Variants in EBF2 observed in about 807,000 individuals in gnomAD.
The protein encoded by EBF2 is transcription factor COE2.
EBF2 carries 21 observed loss-of-function variants against 72.8 expected under a neutral mutation model. The observed-to-expected ratio is 0.29, with a 90% CI of 0.20 to 0.42. The LOEUF (loss-of-function observed/expected upper bound fraction) is 0.42, where lower values mean the gene tolerates loss of function less well. Among genes scored for constraint, EBF2 ranks in the 10% least tolerant of loss-of-function variants. The probability of loss-of-function intolerance (pLI) is 1.00; values close to 1 mark genes in which losing one functional copy is unlikely to be tolerated. For synonymous variants in EBF2, 299 were observed against 274.2 expected (o/e 1.09, Z -0.89); for missense variants, 637 against 731.2 (o/e 0.87, Z 1.49).
intron 10 of EBF2, among the ~76,000 whole-genome samples, chr8:25,880,399 CAGTTT>C (rs1047261722): frequency 3.3e-5 from 5 of 152,150 alleles, no homozygotes; most frequent in African/African-American, 1.2e-4. Context: ...AATTTGAATA[CAGTTT>C]AGTTTATATG....
At chr8:25,865,097 G>A (rs527761791) in intron 10 of EBF2, among the ~76,000 whole-genome samples, 193 of 152,114 alleles carry the variant, frequency 1.3e-3, no homozygotes, top group African/African-American at 4.4e-3. Context: ...CACCGCACCC[G>A]GCCTTCTCAA....
At chr8:25,848,828 A>T (rs1231639650) in intron 15 of EBF2, among the ~76,000 whole-genome samples, 1 of 152,156 alleles carries the variant, frequency 6.6e-6, no homozygotes, top group Admixed American at 6.5e-5. Context: ...TGCCAGTAAG[A>T]CTTGCTGGGC....
intron 6 of EBF2, among the ~76,000 whole-genome samples, chr8:25,980,418 G>A (rs1001697946): frequency 4.6e-5 from 7 of 151,946 alleles, no homozygotes; most frequent in African/African-American, 1.2e-4. Context: ...AATGGTAAGC[G>A]TGCTGTAAAG....
At chr8:25,890,868 GATAAGGA>G (rs1337752938) in intron 7 of EBF2, among the ~76,000 whole-genome samples, 1 of 152,196 alleles carries the variant, frequency 6.6e-6, no homozygotes, top group Non-Finnish European at 1.5e-5. Context: ...AAGCATTTTG[GATAAGGA>G]ATACTCAACC....
chr8:26,038,004 G>C (rs1805532353), intron 5 of EBF2, among the ~76,000 whole-genome samples: 1 of 152,142 alleles, frequency 6.6e-6, no homozygotes, highest in Non-Finnish European at 1.5e-5. Flanking sequence ...TTGAGAAACA[G>C]GGCACCTGAT....
intron 3 of EBF2, 72 bp from the exon 4 acceptor site, chr8:26,040,743 A>G: frequency 1.3e-6 from 2 of 1,529,548 alleles, no homozygotes; most frequent in Non-Finnish European, 1.8e-6. Flanking sequence ...CTTCTCTGCC[A>G]TGGGTCTGAG....
At chr8:25,951,628 C>G (rs138983998) in intron 6 of EBF2, among the ~76,000 whole-genome samples, 12 of 152,202 alleles carry the variant, frequency 7.9e-5, no homozygotes, top group African/African-American at 2.9e-4. Context: ...AGAATACACA[C>G]ACTTAGCTAG....
intron 6 of EBF2, among the ~76,000 whole-genome samples, chr8:25,947,229 G>A (rs1313108929): frequency 6.6e-6 from 1 of 152,120 alleles, no homozygotes; most frequent in African/African-American, 2.4e-5. Context: ...TTCCCATGAT[G>A]TTCGCATGAT....
chr8:25,998,391 G>A (rs944969544), intron 6 of EBF2, among the ~76,000 whole-genome samples: 6 of 152,160 alleles, frequency 3.9e-5, no homozygotes, highest in South Asian at 2.1e-4. Context: ...AATCTTTCTC[G>A]CACTATTTCA....
Position 25,932,148 on chromosome 8 carries a change from A to T in EBF2, c.552-23593T>A, listed in dbSNP as rs150315017. On this transcript the variant is annotated intron_variant, in intron 6 of 15. Transcript: ENST00000520164. ...ACTGGAGGCAGAAGACCTGGGTTCT[A>T]GTCCCAGAACTGCACATAACTAGCT... 1.0e-3 allele frequency among the ~76,000 whole-genome samples: 159 copies of T among 152,274 alleles called. 4 individuals are homozygous for T. In the East Asian group the frequency reaches 0.023, roughly 22 times the overall value.
intron 7 of EBF2, among the ~76,000 whole-genome samples, chr8:25,894,356 T>C (rs1802833568): frequency 6.6e-6 from 1 of 152,190 alleles, no homozygotes; most frequent in African/African-American, 2.4e-5. Context: ...TTGGAGAAGT[T>C]AAGATTTCTG....
chr8:25,906,330 G>A (rs1803030730), intron 7 of EBF2, among the ~76,000 whole-genome samples: 1 of 152,052 alleles, frequency 6.6e-6, no homozygotes, highest in Non-Finnish European at 1.5e-5. Context: ...GAGGCACTTT[G>A]GAATTCTTTT....
intron 6 of EBF2, among the ~76,000 whole-genome samples, chr8:25,920,232 T>C (rs1803285163): frequency 1.3e-5 from 2 of 152,250 alleles, no homozygotes; most frequent in African/African-American, 4.8e-5. Context: ...TTCTTTCAGA[T>C]TCCTCATATC....
chr8:25,872,455 G>T (rs1029463707), intron 10 of EBF2, among the ~76,000 whole-genome samples: 4 of 152,118 alleles, frequency 2.6e-5, no homozygotes, highest in African/African-American at 9.7e-5. Flanking sequence ...TGGTCATCAG[G>T]AGGCCAATAA....
intron 15 of EBF2, among the ~76,000 whole-genome samples, chr8:25,845,261 T>G (rs1801809154): frequency 6.6e-6 from 1 of 152,128 alleles, no homozygotes; most frequent in South Asian, 2.1e-4. Context: ...TGAGGTGGAA[T>G]CTTGTTCTGT....
chr8:25,985,485 A>T (rs1484908254), intron 6 of EBF2, among the ~76,000 whole-genome samples: 2 of 152,002 alleles, frequency 1.3e-5, no homozygotes, highest in African/African-American at 4.8e-5. Context: ...TTCTGAACAG[A>T]AAAAAACCCT....
chr8:25,844,029 A>G lies in EBF2; in HGVS notation c.*580T>C, dbSNP rs1008709817. On this transcript the variant is annotated 3_prime_UTR_variant, in exon 16 of 16. Coordinates refer to ENST00000520164, the MANE Select transcript of EBF2 (RefSeq NM_022659.4). ...ACATTTATTTATTTAAATAATTGTAAAACATTTTAAAATTTTTCCCTTTTT... is the reference window on the plus strand; with the variant it reads ...ACATTTATTTATTTAAATAATTGTAGAACATTTTAAAATTTTTCCCTTTTT... The G allele has an allele frequency of 6.6e-6, 1 of 152,214 alleles. No homozygotes were observed. Among genetic ancestry groups the G allele is most frequent in the East Asian group, 1.9e-4 (1 of 5,188 alleles). 9.4% of individuals were successfully genotyped at this position (152,214 alleles called of 1,614,324 possible).
chr8:25,979,335 T>C (rs1804321092), intron 6 of EBF2, among the ~76,000 whole-genome samples: 1 of 152,226 alleles, frequency 6.6e-6, no homozygotes, highest in African/African-American at 2.4e-5. Context: ...ACGAGCACCA[T>C]GTGGCAGCTG....
At chr8:25,936,713 G>T (rs570027116) in intron 6 of EBF2, among the ~76,000 whole-genome samples, 4 of 152,222 alleles carry the variant, frequency 2.6e-5, no homozygotes, top group African/African-American at 9.6e-5. Context: ...TTTGTTTTGG[G>T]ATGTTATGTC....
Sources: gnomAD v4.1 joint callset for allele counts (sites outside exome capture counted in the v4.1 genomes callset) on GRCh38, gnomAD v4.1.1 for gene constraint, MANE v1.5 for transcripts, NCBI Gene and HGNC (gene_info 2026-07-23, HGNC 2026-07-21) for gene names.